PLEKHA6: variants seen among roughly 807,000 people sequenced by gnomAD.
PLEKHA6 encodes the protein pleckstrin homology domain containing A6, also known as pleckstrin homology domain-containing family A member 6.
A neutral mutation model predicts 116.7 loss-of-function variants in PLEKHA6; 60 were observed. That is an observed-to-expected ratio of 0.51 (90% CI 0.42 to 0.64). PLEKHA6 has a LOEUF of 0.64. Ranked by LOEUF, PLEKHA6 falls within the 30% of genes least tolerant of loss-of-function variation. The probability of loss-of-function intolerance (pLI) is 0.00; values close to 1 mark genes in which losing one functional copy is unlikely to be tolerated. For synonymous variants in PLEKHA6, 489 were observed against 556.1 expected (o/e 0.88, Z 1.70); for missense variants, 1,338 against 1,422.7 (o/e 0.94, Z 0.96).
chr1:204,295,661 C>A (rs564945208), intron 1 of PLEKHA6, among the ~76,000 whole-genome samples: 1 of 152,128 alleles, frequency 6.6e-6, no homozygotes, highest in Non-Finnish European at 1.5e-5. Flanking sequence ...TCCTGAGCAC[C>A]TTCGGTTCTT....
At chr1:204,224,704 G>A (rs1660093688) in intron 21 of PLEKHA6, among the ~76,000 whole-genome samples, 1 of 152,214 alleles carries the variant, frequency 6.6e-6, no homozygotes, top group South Asian at 2.1e-4. Flanking sequence ...ATCGCACACA[G>A]CTCACATAAG....
At chr1:204,355,137 GGGAGGGCTT>G (rs1673379602) in intron 1 of PLEKHA6, among the ~76,000 whole-genome samples, 1 of 152,220 alleles carries the variant, frequency 6.6e-6, no homozygotes, top group Admixed American at 6.5e-5. Flanking sequence ...AAGGAGACTT[GGGAGGGCTT>G]GGAGGGAGAG....
intron 1 of PLEKHA6, among the ~76,000 whole-genome samples, chr1:204,356,004 A>C (rs1004825156): frequency 7.2e-5 from 11 of 151,852 alleles, no homozygotes; most frequent in African/African-American, 2.4e-4. Flanking sequence ...CACACACAAA[A>C]AAAATCCATT....
In PLEKHA6 at chr1:204,347,392, C is replaced by T. The variant is rs1041841304; in HGVS notation, c.-95+12302G>A. 15 of 567,784 alleles carry T rather than the reference C, an allele frequency of 2.6e-5. No homozygotes were observed. The African/African-American group carries it at 2.8e-4, about 11-fold the overall frequency. The allele number at this position is 567,784 out of a possible 1,614,324, so 35.2% of individuals were successfully genotyped here. A position where few individuals can be genotyped will look rare whatever the true frequency, so the allele number is the denominator to read the frequency against. Reference sequence around the variant, plus strand: ...AAGGTGATCTCTCTTGTTCCCTAAACACTGCTGTTATCCTGTTCTTTTTTC... The same window carrying T: ...AAGGTGATCTCTCTTGTTCCCTAAATACTGCTGTTATCCTGTTCTTTTTTC... On this transcript the variant is annotated intron_variant, in intron 1 of 22. Coordinates refer to ENST00000272203, the MANE Select transcript of PLEKHA6 (RefSeq NM_014935.5).
chr1:204,349,975 G>C (rs1241268946), intron 1 of PLEKHA6, among the ~76,000 whole-genome samples: 1 of 152,232 alleles, frequency 6.6e-6, no homozygotes, highest in African/African-American at 2.4e-5. Context: ...ACACGCATGT[G>C]CTCCTGGAAT....
At chr1:204,321,987 A>G (rs1672079510) in intron 1 of PLEKHA6, among the ~76,000 whole-genome samples, 1 of 152,244 alleles carries the variant, frequency 6.6e-6, no homozygotes, top group South Asian at 2.1e-4. Flanking sequence ...ACTAAAAAAT[A>G]TTGAGAAGAA....
At chr1:204,290,569 A>C (rs764367012) in intron 1 of PLEKHA6, among the ~76,000 whole-genome samples, 1 of 152,260 alleles carries the variant, frequency 6.6e-6, no homozygotes, top group Non-Finnish European at 1.5e-5. Context: ...TGTTTCTAGA[A>C]GAAAACACAG....
At chr1:204,372,747 C>T (rs1673799213) in intron 1 of PLEKHA6, among the ~76,000 whole-genome samples, 1 of 151,886 alleles carries the variant, frequency 6.6e-6, no homozygotes, top group Non-Finnish European at 1.5e-5. Flanking sequence ...TCCTCCTTCC[C>T]ACCCCCAACC....
chr1:204,258,939 A>G (rs1432821383), intron 8 of PLEKHA6, among the ~76,000 whole-genome samples: 1 of 152,202 alleles, frequency 6.6e-6, no homozygotes, highest in East Asian at 1.9e-4. Context: ...GACTATAACA[A>G]CTTCAGGCCC....
In PLEKHA6 at chr1:204,247,453, G is replaced by T; in HGVS notation, c.1832C>A (p.Thr611Lys). The T allele has an allele frequency of 1.2e-6, 2 of 1,610,120 alleles. No homozygotes were observed. Among genetic ancestry groups the T allele is most frequent in the East Asian group, 4.5e-5 (2 of 44,810 alleles). The change falls in exon 13 of 23, where the codon ACA becomes AAA. Residue 611 changes from threonine (T) to lysine (K), a missense_variant. Thr to Lys is a moderately conservative substitution (Grantham distance 78). Coordinates refer to ENST00000272203, the MANE Select transcript of PLEKHA6 (RefSeq NM_014935.5). ...VELSQATTAL[T>K]NSTIEYEHLE... is the part of the protein sequence containing the mutation. The stretch of plus-strand genomic sequence containing the variant: ...GTGCTCATACTCTATGGTGCTGTTT[G>T]TCAGGGCCTACGGGGGAAAGAGGCG...
chr1:204,242,646 G>T (rs1048545818), intron 15 of PLEKHA6, among the ~76,000 whole-genome samples: 1 of 152,208 alleles, frequency 6.6e-6, no homozygotes, highest in African/African-American at 2.4e-5. Context: ...GGAGAGAAAA[G>T]GGCCTGTATC....
intron 1 of PLEKHA6, among the ~76,000 whole-genome samples, chr1:204,306,829 C>T (rs1671354418): frequency 6.6e-6 from 1 of 152,098 alleles, no homozygotes; most frequent in Non-Finnish European, 1.5e-5. Context: ...CACCATCCCC[C>T]ACCATCTAAA....
intron 1 of PLEKHA6, among the ~76,000 whole-genome samples, chr1:204,305,662 A>T (rs2103113852): frequency 6.6e-6 from 1 of 152,284 alleles, no homozygotes; most frequent in Admixed American, 6.5e-5. Context: ...AGAAATTATG[A>T]CACTCTTTTG....
At chr1:204,318,826 T>C (rs1377075388) in intron 1 of PLEKHA6, among the ~76,000 whole-genome samples, 1 of 152,240 alleles carries the variant, frequency 6.6e-6, no homozygotes, top group East Asian at 1.9e-4. Flanking sequence ...GGGTTGTTTC[T>C]GAGCACGTCT....
chr1:204,329,920 AG>A (rs1485758673), intron 1 of PLEKHA6, among the ~76,000 whole-genome samples: 4 of 151,956 alleles, frequency 2.6e-5, no homozygotes, highest in Admixed American at 6.6e-5. Flanking sequence ...CATATAATCC[AG>A]TTTCTTCAGA....
rs750532561 is a variant in PLEKHA6 at position 204,264,959 on chromosome 1, G to A, written c.364C>T (p.Arg122Trp). 4.3e-6 allele frequency: 7 copies of A among 1,613,488 alleles called. No homozygotes were observed. Among genetic ancestry groups the A allele is most frequent in the Non-Finnish European group, 5.9e-6 (7 of 1,179,520 alleles). The change falls in exon 6 of 23, where the codon CGG (arginine) becomes TGG (tryptophan). Residue 122 changes from arginine to tryptophan, a missense_variant. Physicochemically the swap from Arg to Trp is moderately radical, Grantham distance 101. Coordinates refer to ENST00000272203, the MANE Select transcript of PLEKHA6 (RefSeq NM_014935.5). ...AAVQPSDNIS[R>W]KHTFKAEHAG... ...CAACTGACCTTAAACGTGTGTTTCCGGCTGATGTTGTCTGAGGGCTGCACT... is the reference window on the plus strand; with the variant it reads ...CAACTGACCTTAAACGTGTGTTTCCAGCTGATGTTGTCTGAGGGCTGCACT...
intron 1 of PLEKHA6, among the ~76,000 whole-genome samples, chr1:204,313,309 A>T (rs916509203): frequency 6.6e-6 from 1 of 152,072 alleles, no homozygotes; most frequent in Admixed American, 6.6e-5. Context: ...GATGCACTTC[A>T]CACAATAGTC....
intron 1 of PLEKHA6, chr1:204,327,079 A>G: frequency 1.2e-6 from 1 of 855,768 alleles, no homozygotes; most frequent in Non-Finnish European, 1.4e-6. Flanking sequence ...CTCCTGGGAT[A>G]GAAACCCTGC....
intron 1 of PLEKHA6, among the ~76,000 whole-genome samples, chr1:204,276,464 T>C (rs1004844878): frequency 1.3e-5 from 2 of 152,148 alleles, no homozygotes; most frequent in Admixed American, 1.3e-4. Context: ...TCCCATCTGG[T>C]GGTCTGGGGG....
Sources: allele counts gnomAD v4.1 joint callset (sites outside exome capture counted in the v4.1 genomes callset), GRCh38; gene constraint gnomAD v4.1.1; transcripts MANE v1.5; gene names NCBI Gene and HGNC (gene_info 2026-07-23, HGNC 2026-07-21).